Variants in CEP290 observed in about 807,000 individuals in gnomAD.
The protein encoded by CEP290 is centrosomal protein 290.
In CEP290, 317 loss-of-function variants were observed where a neutral mutation model predicts 344.9. The ratio of observed to expected loss-of-function variants is 0.92; its 90% CI spans 0.84 to 1.01. The LOEUF is 1.01. CEP290 is among the 50% of genes least tolerant of loss of function. The probability of loss-of-function intolerance (pLI) is 0.00; values close to 1 mark genes in which losing one functional copy is unlikely to be tolerated. For synonymous variants in CEP290, 932 were observed against 895.8 expected, an observed-to-expected ratio of 1.04 and a Z score of -0.72; for missense variants, 2,754 against 2,761.4, an observed-to-expected ratio of 1.00 and a Z score of 0.06.
At chr12:88,113,271 C>T (rs1378714532) in intron 20 of CEP290, among the ~76,000 whole-genome samples, 1 of 151,962 alleles carries the variant, frequency 6.6e-6, no homozygotes, top group Non-Finnish European at 1.5e-5. Context: ...ATCTGGGACA[C>T]AGTATCAGTA....
At chr12:88,132,352 T>C (rs1054196401) in intron 6 of CEP290, among the ~76,000 whole-genome samples, 1 of 152,190 alleles carries the variant, frequency 6.6e-6, no homozygotes, top group Admixed American at 6.5e-5. Context: ...CCAAATGTAG[T>C]ATGTGATCCT....
chr12:88,094,455 A>C (rs1565857006), intron 27 of CEP290, among the ~76,000 whole-genome samples: 1 of 152,152 alleles, frequency 6.6e-6, no homozygotes, highest in Non-Finnish European at 1.5e-5. Context: ...ATTCTACCAA[A>C]TATAATCTTG....
chr12:88,114,479 G>T lies in CEP290; in HGVS notation c.1993C>A (p.Pro665Thr). 6.5e-7 allele frequency: 1 copy of T among 1,547,812 alleles called. No homozygotes were observed. The highest frequency in any genetic ancestry group is 8.7e-7 in the Non-Finnish European group (1 of 1,145,282). Residue 665 changes from proline to threonine, a missense_variant, in exon 20 of 54, where the codon CCT becomes ACT. Coordinates refer to ENST00000552810, the MANE Select transcript of CEP290 (RefSeq NM_025114.4). ...LQAIKEMQKDPDVKGGETSLI... is the reference protein window; with the variant it reads ...LQAIKEMQKDTDVKGGETSLI... The stretch of plus-strand genomic sequence containing the variant: ...GATGTTTCTCCTCCTTTAACATCAG[G>T]ATCTTTCTGCATTTCCTTAATTGCT...
At chr12:88,071,160 C>A in intron 43 of CEP290, 134 bp downstream of exon 43, 4 of 724,980 alleles carry the variant, frequency 5.5e-6, no homozygotes, top group South Asian at 3.5e-5. Flanking sequence ...TATGAAGAAC[C>A]AGGAATATCT....
At position 88,053,529 on chromosome 12, in the gene CEP290, C is replaced by G. The variant is rs941090056; in HGVS notation, c.7129+123G>C. On this transcript the variant is annotated intron_variant, in intron 52 of 53. Transcript: ENST00000552810. ...GCACAGAGAGACAAAAGACCCAAAG[C>G]TTATCAGGAATTCGATTTTACAGGG... is the stretch of plus-strand genomic sequence containing the variant. 14 of 620,128 alleles carry G rather than the reference C, an allele frequency of 2.3e-5. No individual in the cohort carries two copies. In the Admixed American group the frequency reaches 2.7e-4, roughly 12 times the overall value. 38.4% of individuals were successfully genotyped at this position (620,128 alleles called of 1,614,324 possible). A position where few individuals can be genotyped will look rare whatever the true frequency, so the allele number is the denominator to read the frequency against.
At position 88,120,160 on chromosome 12, in the gene CEP290, CTTCAA is replaced by C. The variant is rs1340725042; in HGVS notation, c.1471_1475del (p.Leu491AspfsTer3). ...CATTTTCATCAAGGAAATCACTGATCTTCAATTCAAGTTTATTGATTTCCTTTGTT... is the reference window on the plus strand; with the variant it reads ...CATTTTCATCAAGGAAATCACTGATCTTCAAGTTTATTGATTTCCTTTGTT... On this transcript the variant is annotated frameshift_variant, in exon 15 of 54. Coordinates refer to ENST00000552810, the MANE Select transcript of CEP290 (RefSeq NM_025114.4). LOFTEE classifies it high-confidence loss of function. The C allele has an allele frequency of 2.6e-6, 4 of 1,541,018 alleles. No homozygotes were observed. Among genetic ancestry groups the C allele is most frequent in the African/African-American group, 1.4e-5 (1 of 72,806 alleles).
chr12:88,078,219 TAAAC>T (rs1425217877), intron 39 of CEP290, among the ~76,000 whole-genome samples: 2 of 151,672 alleles, frequency 1.3e-5, no homozygotes, highest in South Asian at 4.1e-4. Flanking sequence ...CTGAATTAAT[TAAAC>T]AAACAAGTAT....
chr12:88,084,724 T>C lies in CEP290; in HGVS notation c.4566A>G (p.Leu1522=), dbSNP rs763991371. ...TAEREKLIAE[L]GRKEMEPKSH... ...ATTTTGGTTCCATCTCTTTTCTGCC[T>C]AGCTCAGCTATGAGCTTTTCTCTTT... is the stretch of plus-strand genomic sequence containing the variant. Residue 1522 remains leucine (L), a synonymous_variant, in exon 35 of 54, where the codon CTA becomes CTG. Coordinates refer to ENST00000552810, the MANE Select transcript of CEP290 (RefSeq NM_025114.4). The C allele has an allele frequency of 3.1e-6, 5 of 1,613,696 alleles. No homozygotes were observed. The highest frequency in any genetic ancestry group is 1.6e-4 in the Middle Eastern group (1 of 6,082).
At chr12:88,071,112 T>C (rs537579079) in intron 43 of CEP290, among the ~76,000 whole-genome samples, 182 bp downstream of exon 43, 1 of 152,162 alleles carries the variant, frequency 6.6e-6, no homozygotes, top group African/African-American at 2.4e-5. Flanking sequence ...CACAATATAA[T>C]ATTCAAAAGA....
rs763226787 is a variant in CEP290 at position 88,141,204 on chromosome 12, A to T, written c.102+2T>A. On this transcript the variant is annotated splice_donor_variant, in intron 2 of 53. Transcript: ENST00000552810. LOFTEE classifies it high-confidence loss of function. Reference sequence around the variant, plus strand: ...ATCTATTATTATTGACCAATTAAGCACCTTGGATAAGGAAATCAATAAATT... The same window carrying T: ...ATCTATTATTATTGACCAATTAAGCTCCTTGGATAAGGAAATCAATAAATT... 3.1e-6 allele frequency: 5 copies of T among 1,601,102 alleles called. No individual in the cohort carries two copies. The highest frequency in any genetic ancestry group is 4.3e-6 in the Non-Finnish European group (5 of 1,173,258).
At chr12:88,130,500 A>G in intron 8 of CEP290, 45 bp downstream of exon 8, 2 of 1,592,700 alleles carry the variant, frequency 1.3e-6, no homozygotes, top group Non-Finnish European at 1.7e-6. Flanking sequence ...GTGCTCTCAC[A>G]ACATATTTTA....
chr12:88,056,996 G>A (rs917893519), intron 49 of CEP290, among the ~76,000 whole-genome samples: 1 of 152,032 alleles, frequency 6.6e-6, no homozygotes. Context: ...AATGTCTTCT[G>A]CAAATGATTT....
chr12:88,084,843 C>A lies in CEP290; in HGVS notation c.4447G>T (p.Glu1483Ter). 1 of 1,547,414 alleles carries A rather than the reference C, an allele frequency of 6.5e-7. No homozygotes were observed. Among genetic ancestry groups the A allele is most frequent in the Non-Finnish European group, 8.7e-7 (1 of 1,150,272 alleles). Residue 1483 changes from glutamate (E) to a stop codon, truncating the protein, a stop_gained, in exon 35 of 54, where the codon GAG (glutamate) becomes TAG (stop). Transcript: ENST00000552810. LOFTEE classifies it high-confidence loss of function. ...TCKSLEEKLK[E>*]KESALRLAEQ... ...GCTAACCTTAAAGCAGATTCTTTCT[C>A]TTTTAGTTTCTGCAATGATTAAATT...
intron 44 of CEP290, among the ~76,000 whole-genome samples, chr12:88,067,466 A>T (rs2471504): frequency 0.88 from 134,090 of 152,176 alleles, 59,967 homozygotes; most frequent in East Asian, 0.99. Context: ...CGCATCAGTT[A>T]CATCGCCTGC....
Position 88,106,976 on chromosome 12 carries a change from G to T in CEP290, c.2586+20C>A, listed in dbSNP as rs1340794257. The T allele has an allele frequency of 3.9e-6, 6 of 1,533,382 alleles. No individual in the cohort carries two copies. The highest frequency in any genetic ancestry group is 4.4e-6 in the Non-Finnish European group (5 of 1,133,166). 95.0% of individuals were successfully genotyped at this position (1,533,382 alleles called of 1,614,324 possible). On this transcript the variant is annotated intron_variant, in intron 24 of 53. Coordinates refer to ENST00000552810, the MANE Select transcript of CEP290 (RefSeq NM_025114.4). Reference sequence around the variant, plus strand: ...ACTTTGTACAATATTGCATACTAATGTTAAAAATGTTTTACTTACATTATA... The same window carrying T: ...ACTTTGTACAATATTGCATACTAATTTTAAAAATGTTTTACTTACATTATA...
rs1207619750 is a variant in CEP290, at chr12:88,117,149, T to C, written c.1712-4A>G. ...TTCAGGTCCTCAGTGGTTAATCCTA[T>C]ATATAAGAGAATTAACAAACTAAAA... On this transcript the variant is annotated splice_polypyrimidine_tract_variant and splice_region_variant and intron_variant, in intron 17 of 53. Transcript: ENST00000552810. 3 of 1,387,476 alleles carry C rather than the reference T, an allele frequency of 2.2e-6. No individual in the cohort carries two copies. The highest frequency in any genetic ancestry group is 2.2e-5 in the Admixed American group (1 of 46,032). The allele number at this position is 1,387,476 out of a possible 1,614,324, so 85.9% of individuals were successfully genotyped here.
Position 88,089,401 on chromosome 12 carries a change from C to A in CEP290, c.3660G>T (p.Lys1220Asn), listed in dbSNP as rs201982308. 709 of 1,612,816 alleles carry A rather than the reference C, an allele frequency of 4.4e-4. No homozygotes were observed. Among genetic ancestry groups the A allele is most frequent in the Non-Finnish European group, 5.8e-4 (682 of 1,179,330 alleles). The change falls in exon 31 of 54, where the codon AAG becomes AAT. Residue 1220 changes from lysine to asparagine, a missense_variant. By Grantham distance (94) the Lys-to-Asn change is moderately conservative. Transcript: ENST00000552810. ...GCAGTTTAGATGTAATTGACTCCAA[C>A]TTACCAAGAGCAGTAGCCTCACTCA... The part of the protein sequence containing the change: ...LQLSEATALG[K>N]LESITSKLQK...
At chr12:88,107,535 A>G (rs1397110377) in intron 23 of CEP290, among the ~76,000 whole-genome samples, 1 of 152,064 alleles carries the variant, frequency 6.6e-6, no homozygotes, top group East Asian at 1.9e-4. Flanking sequence ...TCTAATTAAA[A>G]TAGTGACCAA....
chr12:88,127,380 C>T (rs1452332362), intron 11 of CEP290, among the ~76,000 whole-genome samples: 1 of 152,092 alleles, frequency 6.6e-6, no homozygotes, highest in African/African-American at 2.4e-5. Flanking sequence ...CCCAGCTACT[C>T]AGGAGGCTGA....
Sources: allele counts gnomAD v4.1 joint callset (sites outside exome capture counted in the v4.1 genomes callset), GRCh38; gene constraint gnomAD v4.1.1; transcripts MANE v1.5; gene names NCBI Gene and HGNC (gene_info 2026-07-23, HGNC 2026-07-21).